Variants in GRIA2 observed in about 807,000 individuals in gnomAD.
The protein encoded by GRIA2 is glutamate receptor 2.
GRIA2 carries 14 observed loss-of-function variants against 97.3 expected under a neutral mutation model. The observed-to-expected ratio is 0.14, with a 90% CI of 0.10 to 0.23. The LOEUF is 0.23. GRIA2 is among the 10% of genes least tolerant of loss of function. The probability of loss-of-function intolerance (pLI) is 1.00; values close to 1 mark genes in which losing one functional copy is unlikely to be tolerated. For missense variants in GRIA2, 558 were observed against 1,069.8 expected, an observed-to-expected ratio of 0.52 and a Z score of 6.67; for synonymous variants, 412 against 387.8, an observed-to-expected ratio of 1.06 and a Z score of -0.73.
intron 2 of GRIA2, among the ~76,000 whole-genome samples, chr4:157,265,532 T>A (rs1731731898): frequency 6.6e-6 from 1 of 152,106 alleles, no homozygotes; most frequent in African/African-American, 2.4e-5. Context: ...AGAAAACACA[T>A]GCTGCCAGTC....
chr4:157,283,771 C>T (rs1732715337), intron 2 of GRIA2, among the ~76,000 whole-genome samples: 1 of 151,824 alleles, frequency 6.6e-6, no homozygotes. Context: ...AATTAAGACA[C>T]TCACTAGTAA....
chr4:157,271,176 C>A (rs1240388914), intron 2 of GRIA2, among the ~76,000 whole-genome samples: 2 of 151,764 alleles, frequency 1.3e-5, no homozygotes, highest in Non-Finnish European at 2.9e-5. Flanking sequence ...CTTCTATGAC[C>A]CTATATATGT....
At position 157,220,878 on chromosome 4, in the gene GRIA2, G is replaced by A. The variant is rs1729461885; in HGVS notation, c.-165G>A. Reference sequence around the variant, plus strand: ...ATCAGCAGCCACCAGCAGGACCTGGGAAATAGGGATTCTTCTGCCTCCACT... The same window carrying A: ...ATCAGCAGCCACCAGCAGGACCTGGAAAATAGGGATTCTTCTGCCTCCACT... On this transcript the variant is annotated 5_prime_UTR_variant, in exon 1 of 16. Coordinates refer to ENST00000264426, the MANE Select transcript of GRIA2 (RefSeq NM_001083619.3). 1 of 613,096 alleles carries A rather than the reference G, an allele frequency of 1.6e-6. No individual in the cohort carries two copies. The highest frequency in any genetic ancestry group is 2.9e-6 in the Non-Finnish European group (1 of 342,266). 38.0% of individuals were successfully genotyped at this position (613,096 alleles called of 1,614,324 possible).
chr4:157,268,508 A>C (rs1319325726), intron 2 of GRIA2, among the ~76,000 whole-genome samples: 1 of 151,990 alleles, frequency 6.6e-6, no homozygotes, highest in Non-Finnish European at 1.5e-5. Flanking sequence ...AACATACATA[A>C]AGAATTTGTC....
At chr4:157,294,914 G>T (rs1733275187) in intron 2 of GRIA2, among the ~76,000 whole-genome samples, 1 of 152,090 alleles carries the variant, frequency 6.6e-6, no homozygotes, top group Non-Finnish European at 1.5e-5. Flanking sequence ...ACAGAGGATA[G>T]AACTATATGA....
chr4:157,303,873 C>T lies in GRIA2; in HGVS notation c.469+82C>T. 1.3e-5 allele frequency: 18 copies of T among 1,417,506 alleles called. No individual in the cohort carries two copies. The South Asian group carries it at 2.2e-4, about 17-fold the overall frequency. The allele number at this position is 1,417,506 out of a possible 1,614,324, so 87.8% of individuals were successfully genotyped here. A position where few individuals can be genotyped will look rare whatever the true frequency, so the allele number is the denominator to read the frequency against. On this transcript the variant is annotated intron_variant, in intron 3 of 15. Transcript: ENST00000264426. ...CACTTCTATGGATGTTATAAAGCTA[C>T]AAAGGTGTGATAAAGCCCAAGGATC...
intron 2 of GRIA2, among the ~76,000 whole-genome samples, chr4:157,247,258 CA>C (rs1429369953): frequency 6.6e-6 from 1 of 152,146 alleles, no homozygotes; most frequent in Non-Finnish European, 1.5e-5. Context: ...ACTAGGAGAA[CA>C]AAAAGACAAA....
At chr4:157,297,526 A>T (rs528952583) in intron 2 of GRIA2, among the ~76,000 whole-genome samples, 1 of 152,210 alleles carries the variant, frequency 6.6e-6, no homozygotes, top group Non-Finnish European at 1.5e-5. Context: ...TAATATTTTT[A>T]TCGTTTTTTA....
At chr4:157,360,252 C>T in intron 13 of GRIA2, 109 bp downstream of exon 13, 1 of 1,120,160 alleles carries the variant, frequency 8.9e-7, no homozygotes, top group Non-Finnish European at 1.3e-6. Context: ...AGGTAACTCA[C>T]CATCACAAAA....
At chr4:157,349,458 T>G (rs1579383409) in intron 12 of GRIA2, among the ~76,000 whole-genome samples, 1 of 118,378 alleles carries the variant, frequency 8.4e-6, no homozygotes, top group African/African-American at 3.1e-5. Context: ...CTTCCCCCGC[T>G]TCCTCCCCCC....
At chr4:157,288,096 C>T (rs1022286883) in intron 2 of GRIA2, among the ~76,000 whole-genome samples, 1 of 151,650 alleles carries the variant, frequency 6.6e-6, no homozygotes, top group East Asian at 1.9e-4. Context: ...TACTAAAAAA[C>T]AAATATTTTC....
At chr4:157,248,561 A>ATG (rs1730842147) in intron 2 of GRIA2, among the ~76,000 whole-genome samples, 3 of 140,200 alleles carry the variant, frequency 2.1e-5, no homozygotes, top group African/African-American at 7.9e-5. Flanking sequence ...GTGTATATAT[A>ATG]TATACGTGTG....
chr4:157,325,850 A>G (rs1362655884), intron 6 of GRIA2, among the ~76,000 whole-genome samples: 1 of 152,204 alleles, frequency 6.6e-6, no homozygotes, highest in African/African-American at 2.4e-5. Flanking sequence ...TAGGATTATT[A>G]CAACAGTTTC....
At chr4:157,221,218 A>G in intron 1 of GRIA2, 88 bp downstream of exon 1, 1 of 775,102 alleles carries the variant, frequency 1.3e-6, no homozygotes, top group South Asian at 1.4e-5. Flanking sequence ...CATGTCATGT[A>G]GACTTATGTC....
At chr4:157,294,900 G>A (rs1043732399) in intron 2 of GRIA2, among the ~76,000 whole-genome samples, 8 of 152,152 alleles carry the variant, frequency 5.3e-5, no homozygotes, top group African/African-American at 1.9e-4. Flanking sequence ...TTGAGCAAGA[G>A]TTCACAGAGG....
At chr4:157,355,757 T>C (rs1457553419) in intron 12 of GRIA2, among the ~76,000 whole-genome samples, 5 of 55,804 alleles carry the variant, frequency 9.0e-5, no homozygotes, top group South Asian at 1.4e-3. Flanking sequence ...TATTTACATA[T>C]ATTAGTTATA....
intron 6 of GRIA2, among the ~76,000 whole-genome samples, chr4:157,332,422 A>G (rs1483456925): frequency 1.3e-5 from 2 of 152,042 alleles, no homozygotes; most frequent in East Asian, 3.9e-4. Flanking sequence ...TGCATTGACA[A>G]ATGAATTTCT....
chr4:157,250,145 C>T, intron 2 of GRIA2, among the ~76,000 whole-genome samples: 1 of 151,928 alleles, frequency 6.6e-6, no homozygotes, highest in East Asian at 1.9e-4. Flanking sequence ...TATTTACAGC[C>T]CCCAGCTTTA....
chr4:157,359,863 T>C, intron 12 of GRIA2, 33 bp from the exon 13 acceptor site: 2 of 1,600,052 alleles, frequency 1.2e-6, no homozygotes, highest in Non-Finnish European at 1.7e-6. Context: ...GGGCCATCTC[T>C]TAATGCTATC....
Sources: gnomAD v4.1 joint callset for allele counts (sites outside exome capture counted in the v4.1 genomes callset) on GRCh38, gnomAD v4.1.1 for gene constraint, MANE v1.5 for transcripts, NCBI Gene and HGNC (gene_info 2026-07-23, HGNC 2026-07-21) for gene names.